Variants in PIK3C2A observed in about 807,000 individuals in gnomAD.
PIK3C2A encodes phosphatidylinositol 4-phosphate 3-kinase C2 domain-containing subunit alpha.
PIK3C2A carries 97 observed loss-of-function variants against 204.5 expected under a neutral mutation model. That is an observed-to-expected ratio of 0.47 (90% CI 0.40 to 0.56). PIK3C2A has a LOEUF of 0.56. Among genes scored for constraint, PIK3C2A ranks in the 20% least tolerant of loss-of-function variants. The probability of loss-of-function intolerance (pLI) is 0.00; values close to 1 mark genes in which losing one functional copy is unlikely to be tolerated. For synonymous variants in PIK3C2A, 653 were observed against 664.4 expected (o/e 0.98, Z 0.26); for missense variants, 1,735 against 1,969.2 (o/e 0.88, Z 2.25).
intron 1 of PIK3C2A, among the ~76,000 whole-genome samples, chr11:17,199,903 C>CAAAAA (rs35435978): frequency 3.5e-4 from 37 of 106,850 alleles, no homozygotes; most frequent in African/African-American, 1.2e-3. Context: ...GCCTCCATCT[C>CAAAAA]AAAAAAAAAA....
chr11:17,158,165 C>CA (rs1555029565), intron 2 of PIK3C2A, among the ~76,000 whole-genome samples: 2 of 149,572 alleles, frequency 1.3e-5, no homozygotes, highest in African/African-American at 2.5e-5. Flanking sequence ...GCCTGACCAA[C>CA]TGGAGAAACC....
At chr11:17,191,789 G>A (rs1304946732) in intron 1 of PIK3C2A, among the ~76,000 whole-genome samples, 1 of 152,094 alleles carries the variant, frequency 6.6e-6, no homozygotes, top group African/African-American at 2.4e-5. Context: ...CTAACTCGGA[G>A]AGGATCTTCA....
intron 8 of PIK3C2A, among the ~76,000 whole-genome samples, chr11:17,140,145 T>C (rs1460415700): frequency 6.6e-6 from 1 of 152,004 alleles, no homozygotes; most frequent in East Asian, 1.9e-4. Context: ...CTGGGCACAG[T>C]GGTGTGTGGC....
Position 17,168,714 on chromosome 11 carries a change from G to C in PIK3C2A, c.1028C>G (p.Thr343Arg). 1.2e-6 allele frequency: 2 copies of C among 1,602,140 alleles called. No homozygotes were observed. Among genetic ancestry groups the C allele is most frequent in the Non-Finnish European group, 1.7e-6 (2 of 1,174,692 alleles). The change falls in exon 2 of 33, where the codon ACA becomes AGA. Residue 343 changes from threonine to arginine, a missense_variant. Transcript: ENST00000691414. ...GCCCTGGGCTTTTGCAAGCTGAGTTGTTCGAATATTTAAAGACTGGCTTCT... is the reference window on the plus strand; with the variant it reads ...GCCCTGGGCTTTTGCAAGCTGAGTTCTTCGAATATTTAAAGACTGGCTTCT... ...VTRSQSLNIR[T>R]TQLAKAQGHI... is the part of the protein sequence containing the mutation.
chr11:17,166,599 A>G (rs1028172691), intron 2 of PIK3C2A, among the ~76,000 whole-genome samples: 1 of 152,216 alleles, frequency 6.6e-6, no homozygotes. Context: ...TGTAGCTACA[A>G]TGCATTCATT....
At chr11:17,182,076 G>A (rs1418051734) in intron 1 of PIK3C2A, among the ~76,000 whole-genome samples, 1 of 148,504 alleles carries the variant, frequency 6.7e-6, no homozygotes, top group Non-Finnish European at 1.5e-5. Context: ...TGGGCAACAA[G>A]AGTGAAACTC....
intron 21 of PIK3C2A, 152 bp downstream of exon 21, chr11:17,112,422 C>T: frequency 3.0e-6 from 1 of 335,008 alleles, no homozygotes. Flanking sequence ...CACTGCACTC[C>T]AGCCTGAGCG....
chr11:17,106,058 A>C (rs1188588913), intron 22 of PIK3C2A, among the ~76,000 whole-genome samples: 1 of 151,886 alleles, frequency 6.6e-6, no homozygotes, highest in Non-Finnish European at 1.5e-5. Flanking sequence ...GCAGTGAGCC[A>C]AGATAGCACT....
Position 17,088,275 on chromosome 11 carries a change from T to A in PIK3C2A, c.*1463A>T, listed in dbSNP as rs1848204723. The A allele has an allele frequency of 6.6e-6, 1 of 151,904 alleles. No homozygotes were observed. The highest frequency in any genetic ancestry group is 2.1e-4 in the South Asian group (1 of 4,826). 9.4% of individuals were successfully genotyped at this position (151,904 alleles called of 1,614,324 possible). ...TTTTTTCTTTTTTTTTAAGATGGAG[T>A]TTTGCTCTTGTCACCCAGGCGGGAG... On this transcript the variant is annotated 3_prime_UTR_variant, in exon 33 of 33. Transcript: ENST00000691414.
chr11:17,099,831 C>A, intron 26 of PIK3C2A, 29 bp downstream of exon 26: 2 of 918,666 alleles, frequency 2.2e-6, no homozygotes, highest in East Asian at 2.4e-5. Flanking sequence ...TTTTATGTTC[C>A]TTCTGCAATA....
At position 17,117,680 on chromosome 11, in the gene PIK3C2A, G is replaced by T; in HGVS notation, c.3036-9C>A. On this transcript the variant is annotated splice_polypyrimidine_tract_variant and intron_variant, in intron 18 of 32. Transcript: ENST00000691414. Reference sequence around the variant, plus strand: ...GGGCATCTTTGAGAAGCCTAATACAGCAAAATATTTATGTTAGTCACGTCT... The same window carrying T: ...GGGCATCTTTGAGAAGCCTAATACATCAAAATATTTATGTTAGTCACGTCT... 7.8e-6 allele frequency: 8 copies of T among 1,027,440 alleles called. No individual in the cohort carries two copies. The highest frequency in any genetic ancestry group is 1.1e-5 in the Non-Finnish European group (8 of 699,594). 63.6% of individuals were successfully genotyped at this position (1,027,440 alleles called of 1,614,324 possible). A position where few individuals can be genotyped will look rare whatever the true frequency, so the allele number is the denominator to read the frequency against.
At chr11:17,205,473 C>CAAAAAA (rs755518412) in intron 1 of PIK3C2A, among the ~76,000 whole-genome samples, 1 of 25,374 alleles carries the variant, frequency 3.9e-5, no homozygotes. Flanking sequence ...GACTCCATCT[C>CAAAAAA]AAAAAAAAAA....
chr11:17,113,581 A>C (rs1457011334), intron 20 of PIK3C2A, among the ~76,000 whole-genome samples: 1 of 151,622 alleles, frequency 6.6e-6, no homozygotes, highest in Admixed American at 6.6e-5. Flanking sequence ...CAGGAGTTCG[A>C]GACCAGCCTG....
chr11:17,091,260 G>A (rs758084572), intron 32 of PIK3C2A, 74 bp downstream of exon 32: 28 of 1,333,650 alleles, frequency 2.1e-5, no homozygotes, highest in Non-Finnish European at 2.6e-5. Context: ...TCCTGCTTAC[G>A]CACGTCAGAA....
chr11:17,142,344 C>T (rs1850089401), intron 8 of PIK3C2A, among the ~76,000 whole-genome samples: 1 of 152,014 alleles, frequency 6.6e-6, no homozygotes, highest in Non-Finnish European at 1.5e-5. Context: ...TAGAACTGAG[C>T]CCTGGGGATA....
chr11:17,131,973 T>C lies in PIK3C2A; in HGVS notation c.2174A>G (p.Gln725Arg). The C allele has an allele frequency of 6.3e-7, 1 of 1,580,012 alleles. No individual in the cohort carries two copies. The highest frequency in any genetic ancestry group is 8.7e-7 in the Non-Finnish European group (1 of 1,153,102). The change falls in exon 12 of 33, where the codon CAA (glutamine) becomes CGA (arginine). Residue 725 changes from glutamine (Q) to arginine (R), a missense_variant. Gln to Arg is a conservative substitution (Grantham distance 43). Around this residue, in one of 6 missense-constraint regions of PIK3C2A, gnomAD observed 567 missense variants for 576.0 expected, o/e 0.98. Transcript: ENST00000691414. ...HNGKDLFKPI[Q>R]SKKVGTYKNF... is the part of the protein sequence containing the mutation. The stretch of plus-strand genomic sequence containing the variant: ...CTTGTAAGTGCCAACCTTCTTTGAT[T>C]GAATAGGTTTAAAAAGATCCTTTCC...
intron 1 of PIK3C2A, among the ~76,000 whole-genome samples, chr11:17,178,129 T>A (rs1057216903): frequency 8.2e-5 from 12 of 146,062 alleles, no homozygotes; most frequent in Non-Finnish European, 1.6e-4. Context: ...AAAAATTGCA[T>A]GTCACATATA....
At chr11:17,194,105 G>C in intron 1 of PIK3C2A, 1 of 606,300 alleles carries the variant, frequency 1.6e-6, no homozygotes, top group Admixed American at 3.4e-5. Context: ...CCCAAAGGGT[G>C]TCAGCAGCAA....
chr11:17,197,749 G>T (rs1489988985), intron 1 of PIK3C2A, among the ~76,000 whole-genome samples: 1 of 152,118 alleles, frequency 6.6e-6, no homozygotes, highest in East Asian at 1.9e-4. Flanking sequence ...TCATTCACTT[G>T]ACATGAATCA....
Sources: allele counts gnomAD v4.1 joint callset (sites outside exome capture counted in the v4.1 genomes callset), GRCh38; gene constraint gnomAD v4.1.1; regional missense constraint gnomAD v4.1.1; transcripts MANE v1.5; gene names NCBI Gene and HGNC (gene_info 2026-07-23, HGNC 2026-07-21).